KDSR: variants seen among roughly 807,000 people sequenced by gnomAD.
KDSR encodes the protein 3-ketodihydrosphingosine reductase, also known as 3-dehydrosphinganine reductase.
In KDSR, 23 loss-of-function variants were observed where a neutral mutation model predicts 41.3. The ratio of observed to expected loss-of-function variants is 0.56; its 90% CI spans 0.40 to 0.79. The LOEUF is 0.79. Among genes scored for constraint, KDSR ranks in the 30% least tolerant of loss-of-function variants. KDSR has a pLI of 0.00. For missense variants in KDSR, 351 were observed against 416.8 expected, an observed-to-expected ratio of 0.84 and a Z score of 1.37; for synonymous variants, 138 against 151.7, an observed-to-expected ratio of 0.91 and a Z score of 0.66.
chr18:63,360,179 G>A (rs1326208594), intron 2 of KDSR, among the ~76,000 whole-genome samples: 2 of 151,550 alleles, frequency 1.3e-5, no homozygotes, highest in South Asian at 2.1e-4. Flanking sequence ...TTGAGGGTAT[G>A]TGTGACTCCC....
At chr18:63,350,831 C>T (rs1382833045) in intron 6 of KDSR, 57 bp downstream of exon 6, 24 of 1,234,734 alleles carry the variant, frequency 1.9e-5, no homozygotes, top group South Asian at 3.1e-5. Flanking sequence ...AAAACTAAAG[C>T]GGAATGTATA....
chr18:63,365,072 A>G (rs1599342782), intron 1 of KDSR, among the ~76,000 whole-genome samples: 1 of 152,172 alleles, frequency 6.6e-6, no homozygotes, highest in Non-Finnish European at 1.5e-5. Context: ...TTTAGCTTCA[A>G]CCTGCCACCA....
At chr18:63,355,353 G>A in intron 4 of KDSR, 54 bp from the exon 5 acceptor site, 1 of 1,602,874 alleles carries the variant, frequency 6.2e-7, no homozygotes, top group South Asian at 1.1e-5. Flanking sequence ...AAACCACTCA[G>A]CAGCAAATCC....
intron 6 of KDSR, 41 bp from the exon 7 acceptor site, chr18:63,344,534 C>A: frequency 3.5e-6 from 5 of 1,446,614 alleles, no homozygotes; most frequent in Non-Finnish European, 4.9e-6. Context: ...GTAAACAAGA[C>A]ACACTGAGGT....
intron 8 of KDSR, among the ~76,000 whole-genome samples, chr18:63,336,316 C>T (rs560724367): frequency 2.0e-5 from 3 of 152,270 alleles, no homozygotes; most frequent in Non-Finnish European, 4.4e-5. Flanking sequence ...AGGCATGAGC[C>T]ACCGTGCCTG....
At chr18:63,332,175 T>C (rs1914023484) in intron 9 of KDSR, among the ~76,000 whole-genome samples, 1 of 152,206 alleles carries the variant, frequency 6.6e-6, no homozygotes, top group Non-Finnish European at 1.5e-5. Context: ...CTTAGGGTTA[T>C]AATAGCTTTA....
chr18:63,334,900 T>C (rs1418958801), intron 9 of KDSR, among the ~76,000 whole-genome samples: 1 of 152,220 alleles, frequency 6.6e-6, no homozygotes, highest in African/African-American at 2.4e-5. Context: ...TCCCAGTACT[T>C]TTTAAGCAAG....
intron 9 of KDSR, among the ~76,000 whole-genome samples, chr18:63,332,945 G>A (rs1273962846): frequency 6.6e-6 from 1 of 151,706 alleles, no homozygotes. Flanking sequence ...TATTTAAGGT[G>A]AGACCTGAAG....
At position 63,338,827 on chromosome 18, in the gene KDSR, C is replaced by T; in HGVS notation, c.750G>A (p.Val250=). The change falls in exon 8 of 10, where the codon GTG becomes GTA. Residue 250 remains valine (V), a synonymous_variant. Coordinates refer to ENST00000645214, the MANE Select transcript of KDSR (RefSeq NM_002035.4). ...TGGCATCTTTAACAATTTGTTTGGCCACCTGTTCTGGTTTGCACACAGATG... is the reference window on the plus strand; with the variant it reads ...TGGCATCTTTAACAATTTGTTTGGCTACCTGTTCTGGTTTGCACACAGATG... ...ETTSVCKPEQ[V]AKQIVKDAIQ... 6.2e-7 allele frequency: 1 copy of T among 1,609,346 alleles called. No individual in the cohort carries two copies. The highest frequency in any genetic ancestry group is 8.5e-7 in the Non-Finnish European group (1 of 1,178,470).
intron 1 of KDSR, among the ~76,000 whole-genome samples, chr18:63,363,998 C>T (rs747676309): frequency 6.6e-6 from 1 of 152,176 alleles, no homozygotes; most frequent in African/African-American, 2.4e-5. Flanking sequence ...TAGCTTCAAC[C>T]TGCCACCACT....
intron 2 of KDSR, 43 bp downstream of exon 2, chr18:63,362,736 A>G (rs760274384): frequency 3.0e-6 from 4 of 1,338,912 alleles, no homozygotes; most frequent in Non-Finnish European, 4.3e-6. Context: ...ACTAATTTCA[A>G]GTCGAAGAAG....
In KDSR at chr18:63,331,443, A is replaced by AG. The variant is rs1304331032; in HGVS notation, c.*338dup. 7 of 238,678 alleles carry AG rather than the reference A, an allele frequency of 2.9e-5. No homozygotes were observed. The highest frequency in any genetic ancestry group is 4.4e-5 in the African/African-American group (2 of 45,552). The allele number at this position is 238,678 out of a possible 1,614,324, so 14.8% of individuals were successfully genotyped here. A position where few individuals can be genotyped will look rare whatever the true frequency, so the allele number is the denominator to read the frequency against. On this transcript the variant is annotated 3_prime_UTR_variant, in exon 10 of 10. Coordinates refer to ENST00000645214, the MANE Select transcript of KDSR (RefSeq NM_002035.4). ...AAGTACATTTCTGGACTTAATCTCT[A>AG]GGGGGGCAAAAAAGAATAAATAGAA...
intron 5 of KDSR, 137 bp downstream of exon 5, chr18:63,355,067 C>G (rs1914758768): frequency 1.6e-6 from 1 of 608,012 alleles, no homozygotes; most frequent in Non-Finnish European, 2.9e-6. Context: ...TCACCTTGTT[C>G]AGCCTTCCTC....
At chr18:63,366,820 C>A (rs1407000758) in intron 1 of KDSR, 191 bp downstream of exon 1, 2 of 390,292 alleles carry the variant, frequency 5.1e-6, no homozygotes, top group Non-Finnish European at 9.0e-6. Flanking sequence ...CTGCGGAGGG[C>A]GGGTCCGCGA....
At chr18:63,339,435 C>A (rs1175544882) in intron 7 of KDSR, among the ~76,000 whole-genome samples, 1 of 152,202 alleles carries the variant, frequency 6.6e-6, no homozygotes, top group Non-Finnish European at 1.5e-5. Flanking sequence ...GAGGCAAATG[C>A]ACAGGACACT....
chr18:63,351,022 T>C lies in KDSR; in HGVS notation c.475A>G (p.Thr159Ala), dbSNP rs1319419876. Reference protein sequence around the residue: ...SVYPSRAVITTMKERRVGRIV... With the variant: ...SVYPSRAVITAMKERRVGRIV... ...CTGCCCACCCGGCGCTCCTTCATGGTGGTGATCACGGCCCGGCTGGGGTAC... is the reference window on the plus strand; with the variant it reads ...CTGCCCACCCGGCGCTCCTTCATGGCGGTGATCACGGCCCGGCTGGGGTAC... Residue 159 changes from threonine to alanine, a missense_variant, in exon 6 of 10, where the codon ACC becomes GCC. Thr to Ala is a moderately conservative substitution (Grantham distance 58). Transcript: ENST00000645214. 4.3e-6 allele frequency: 7 copies of C among 1,614,160 alleles called. No homozygotes were observed. The highest frequency in any genetic ancestry group is 5.9e-6 in the Non-Finnish European group (7 of 1,180,020).
intron 2 of KDSR, among the ~76,000 whole-genome samples, chr18:63,361,146 G>T (rs566800868): frequency 8.3e-6 from 1 of 119,988 alleles, no homozygotes; most frequent in African/African-American, 3.4e-5. Context: ...GGAGGTGGAG[G>T]TTGCAGTGAG....
rs991785937 is a variant in KDSR at position 63,329,209 on chromosome 18, T to C, written c.*2573A>G. 2.9e-5 allele frequency: 6 copies of C among 208,290 alleles called. No individual in the cohort carries two copies. Among genetic ancestry groups the C allele is most frequent in the Non-Finnish European group, 4.9e-5 (5 of 102,362 alleles). The allele number at this position is 208,290 out of a possible 1,614,324, so 12.9% of individuals were successfully genotyped here. A position where few individuals can be genotyped will look rare whatever the true frequency, so the allele number is the denominator to read the frequency against. Reference sequence around the variant, plus strand: ...CTGCTTAAATGCCTACAACCCCTTATCCAAAACCCGCTGGGCTGGATGTGT... The same window carrying C: ...CTGCTTAAATGCCTACAACCCCTTACCCAAAACCCGCTGGGCTGGATGTGT... On this transcript the variant is annotated 3_prime_UTR_variant, in exon 10 of 10. Coordinates refer to ENST00000645214, the MANE Select transcript of KDSR (RefSeq NM_002035.4).
At chr18:63,355,687 C>G in intron 3 of KDSR, 124 bp from the exon 4 acceptor site, 1 of 1,322,508 alleles carries the variant, frequency 7.6e-7, no homozygotes, top group Non-Finnish European at 9.8e-7. Flanking sequence ...GAACAGATTT[C>G]AGTGTTTGCT....
Sources: allele counts gnomAD v4.1 joint callset (sites outside exome capture counted in the v4.1 genomes callset), GRCh38; gene constraint gnomAD v4.1.1; transcripts MANE v1.5; gene names NCBI Gene and HGNC (gene_info 2026-07-23, HGNC 2026-07-21).